CEP112: variants seen among roughly 807,000 people sequenced by gnomAD.
CEP112 encodes the protein centrosomal protein 112.
CEP112 carries 127 observed loss-of-function variants against 153.0 expected under a neutral mutation model. The observed-to-expected ratio is 0.83, with a 90% confidence interval of 0.72 to 0.96. The LOEUF is 0.96. Ranked by LOEUF, CEP112 falls within the 40% of genes least tolerant of loss-of-function variation. The pLI is 0.00. For missense variants in CEP112, 1,089 were observed against 1,101.2 expected (o/e 0.99, Z 0.16); for synonymous variants, 358 against 374.4 (o/e 0.96, Z 0.51).
At chr17:65,704,642 AT>A (rs2048826600) in intron 23 of CEP112, among the ~76,000 whole-genome samples, 1 of 152,192 alleles carries the variant, frequency 6.6e-6, no homozygotes, top group African/African-American at 2.4e-5. Flanking sequence ...AGCCACTCCA[AT>A]AGAATAGATG....
At chr17:65,876,708 A>C (rs2058840021) in intron 20 of CEP112, among the ~76,000 whole-genome samples, 1 of 151,994 alleles carries the variant, frequency 6.6e-6, no homozygotes, top group Non-Finnish European at 1.5e-5. Flanking sequence ...TCAATGTCTT[A>C]GATTTTTGAA....
rs191131291 is a variant in CEP112, at chr17:66,170,405, C to T, written c.470+4639G>A. On this transcript the variant is annotated intron_variant, in intron 4 of 26. Coordinates refer to ENST00000535342, the MANE Select transcript of CEP112 (RefSeq NM_001199165.4). ...GCATGAGATCTAAGTCTATGGTCTC[C>T]TTAGTAACATTTTCTAAAGTCATGC... Among the ~76,000 whole-genome samples, 220 of 152,252 alleles carry T rather than the reference C, an allele frequency of 1.4e-3. 1 individual carries two copies. Among genetic ancestry groups the T allele is most frequent in the Middle Eastern group, 3.4e-3 (1 of 294 alleles).
chr17:65,833,607 C>T lies in CEP112; in HGVS notation c.2394+18197G>A, dbSNP rs112557729. Among the ~76,000 whole-genome samples, 243 of 152,058 alleles carry T rather than the reference C, an allele frequency of 1.6e-3. 1 individual carries two copies. Among genetic ancestry groups the T allele is most frequent in the African/African-American group, 5.6e-3 (233 of 41,478 alleles). On this transcript the variant is annotated intron_variant, in intron 21 of 26. Coordinates refer to ENST00000535342, the MANE Select transcript of CEP112 (RefSeq NM_001199165.4). ...AGAAAGCAATCCATTCACAATGCCA[C>T]AAAAAGAATAAAATACATAATATAC...
chr17:65,993,975 T>TGA (rs1568351577), intron 17 of CEP112, among the ~76,000 whole-genome samples: 2 of 149,040 alleles, frequency 1.3e-5, no homozygotes, highest in African/African-American at 5.0e-5. Flanking sequence ...ATAAAAACCA[T>TGA]GAGACTGCAG....
At chr17:65,646,296 G>A (rs756973553) in intron 24 of CEP112, among the ~76,000 whole-genome samples, 6 of 152,150 alleles carry the variant, frequency 3.9e-5, no homozygotes, top group Non-Finnish European at 5.9e-5. Flanking sequence ...ATTTTAGTGA[G>A]TTTGAATGAA....
At chr17:65,974,555 G>A (rs2062962296) in intron 17 of CEP112, among the ~76,000 whole-genome samples, 1 of 152,060 alleles carries the variant, frequency 6.6e-6, no homozygotes, top group Non-Finnish European at 1.5e-5. Context: ...TATCCATTAG[G>A]TTATTCATGA....
chr17:65,775,255 G>A (rs377153346), intron 21 of CEP112, among the ~76,000 whole-genome samples: 8 of 152,106 alleles, frequency 5.3e-5, no homozygotes, highest in African/African-American at 1.7e-4. Context: ...GCTGGGACAC[G>A]GAGTCAGAGG....
intron 21 of CEP112, among the ~76,000 whole-genome samples, chr17:65,838,234 C>T (rs527401805): frequency 6.6e-6 from 1 of 152,174 alleles, no homozygotes; most frequent in Non-Finnish European, 1.5e-5. Context: ...GAAGAGTCTC[C>T]AGTATAGACT....
intron 21 of CEP112, among the ~76,000 whole-genome samples, chr17:65,817,488 C>A (rs2145966706): frequency 6.6e-6 from 1 of 151,994 alleles, no homozygotes; most frequent in East Asian, 1.9e-4. Context: ...CCTTCATGTT[C>A]ATGCAAGTTC....
chr17:65,959,885 C>A (rs965181), intron 18 of CEP112, among the ~76,000 whole-genome samples: 73,015 of 152,052 alleles, frequency 0.48, 18,534 homozygotes, highest in East Asian at 0.89. Context: ...AGGCAGTAGC[C>A]TGAGCCAAGA....
At chr17:65,927,970 A>T (rs1193566950) in intron 18 of CEP112, among the ~76,000 whole-genome samples, 2 of 152,210 alleles carry the variant, frequency 1.3e-5, no homozygotes, top group Non-Finnish European at 2.9e-5. Flanking sequence ...TTTATTGAAC[A>T]AAATTTAATT....
chr17:65,978,463 C>T (rs2063116420), intron 17 of CEP112, among the ~76,000 whole-genome samples: 1 of 152,202 alleles, frequency 6.6e-6, no homozygotes, highest in Admixed American at 6.5e-5. Context: ...CAATATTGGT[C>T]AAATTGCTTG....
chr17:65,767,638 T>G (rs1263418564), intron 21 of CEP112, among the ~76,000 whole-genome samples: 2 of 151,334 alleles, frequency 1.3e-5, no homozygotes, highest in Admixed American at 1.3e-4. Flanking sequence ...TATACCAGCT[T>G]AAAAAAAGAA....
intron 17 of CEP112, among the ~76,000 whole-genome samples, chr17:65,973,322 G>T (rs1003038106): frequency 6.6e-6 from 1 of 151,746 alleles, no homozygotes; most frequent in African/African-American, 2.4e-5. Flanking sequence ...GAACAGGCAA[G>T]TCACAGACTG....
chr17:65,867,443 A>T (rs996607988), intron 20 of CEP112, among the ~76,000 whole-genome samples: 2 of 152,208 alleles, frequency 1.3e-5, no homozygotes, highest in Non-Finnish European at 2.9e-5. Flanking sequence ...GGATCCTGTA[A>T]CAATACTCTA....
At chr17:66,124,911 C>T (rs945709986) in intron 6 of CEP112, among the ~76,000 whole-genome samples, 1 of 152,148 alleles carries the variant, frequency 6.6e-6, no homozygotes, top group Non-Finnish European at 1.5e-5. Context: ...CAGAAGTTTA[C>T]ATTCACTTTT....
intron 21 of CEP112, among the ~76,000 whole-genome samples, chr17:65,803,350 C>T (rs2055391956): frequency 6.6e-6 from 1 of 152,188 alleles, no homozygotes; most frequent in Non-Finnish European, 1.5e-5. Context: ...TGTTATACAA[C>T]ATTAGATAAC....
At chr17:66,093,388 T>C (rs2068219102) in intron 8 of CEP112, among the ~76,000 whole-genome samples, 1 of 151,820 alleles carries the variant, frequency 6.6e-6, no homozygotes, top group Non-Finnish European at 1.5e-5. Context: ...ACGAGTGAAA[T>C]GGTCTCTATT....
chr17:65,909,638 A>G (rs1452956559), intron 19 of CEP112, among the ~76,000 whole-genome samples: 1 of 152,220 alleles, frequency 6.6e-6, no homozygotes, highest in African/African-American at 2.4e-5. Flanking sequence ...CTGGGTAAAG[A>G]TAATAGGGAA....
Sources: allele counts gnomAD v4.1 joint callset (sites outside exome capture counted in the v4.1 genomes callset), GRCh38; gene constraint gnomAD v4.1.1; transcripts MANE v1.5; gene names NCBI Gene and HGNC (gene_info 2026-07-23, HGNC 2026-07-21).